The following OBI1 variants were observed in gnomAD, a reference collection of about 807,000 sequenced individuals.
OBI1 encodes ring finger protein 219.
OBI1 carries 59 observed loss-of-function variants against 62.4 expected under a neutral mutation model. The ratio of observed to expected loss-of-function variants is 0.95; its 90% CI spans 0.77 to 1.17. The LOEUF (loss-of-function observed/expected upper bound fraction) is 1.17, where lower values mean the gene tolerates loss of function less well. OBI1 is among the 50% of genes most tolerant of loss of function. The pLI is 0.00. For missense variants in OBI1, 875 were observed against 830.9 expected, an observed-to-expected ratio of 1.05 and a Z score of -0.65; for synonymous variants, 302 against 292.8, an observed-to-expected ratio of 1.03 and a Z score of -0.32.
intron 1 of OBI1, 135 bp downstream of exon 1, chr13:78,658,914 C>A: frequency 1.4e-6 from 1 of 696,410 alleles, no homozygotes; most frequent in Non-Finnish European, 2.5e-6. Flanking sequence ...GGCCTCCCAT[C>A]AAGAACGCGG....
intron 5 of OBI1, chr13:78,620,698 T>C (rs1566275830): frequency 4.4e-6 from 2 of 455,582 alleles, no homozygotes; most frequent in Non-Finnish European, 8.8e-6. Context: ...AAAAGAGAAA[T>C]GGAAGTCCTA....
chr13:78,656,737 G>T (rs919941358), intron 1 of OBI1, among the ~76,000 whole-genome samples: 5 of 124,052 alleles, frequency 4.0e-5, no homozygotes, highest in South Asian at 3.2e-4. Flanking sequence ...CCTGGGGGGG[G>T]GGGGGGAGGA....
intron 1 of OBI1, among the ~76,000 whole-genome samples, chr13:78,652,630 A>T (rs955951134): frequency 6.6e-6 from 1 of 152,160 alleles, no homozygotes; most frequent in African/African-American, 2.4e-5. Context: ...CGTGGAAGAT[A>T]ATTTTTCCAC....
intron 1 of OBI1, 77 bp downstream of exon 1, chr13:78,658,972 C>T (rs1446183259): frequency 2.2e-6 from 3 of 1,361,392 alleles, no homozygotes; most frequent in East Asian, 2.4e-5. Flanking sequence ...TCCCCGCCCC[C>T]GCACGAGACG....
At chr13:78,650,374 T>A (rs1003242023) in intron 1 of OBI1, among the ~76,000 whole-genome samples, 3 of 152,210 alleles carry the variant, frequency 2.0e-5, no homozygotes, top group African/African-American at 7.2e-5. Flanking sequence ...ATGCTTATAG[T>A]CAAGATACTA....
At chr13:78,655,144 G>A (rs986420305) in intron 1 of OBI1, among the ~76,000 whole-genome samples, 1 of 152,046 alleles carries the variant, frequency 6.6e-6, no homozygotes, top group Non-Finnish European at 1.5e-5. Context: ...ATGCATGCAC[G>A]GCCAATAAAA....
intron 5 of OBI1, among the ~76,000 whole-genome samples, chr13:78,632,913 T>C (rs1458969227): frequency 2.0e-5 from 3 of 152,194 alleles, no homozygotes; most frequent in Admixed American, 6.5e-5. Flanking sequence ...TAAAGTTATA[T>C]TGGATTCAGA....
intron 4 of OBI1, among the ~76,000 whole-genome samples, chr13:78,635,481 T>C (rs1294028716): frequency 1.3e-5 from 2 of 152,212 alleles, no homozygotes; most frequent in African/African-American, 4.8e-5. Flanking sequence ...ACCATACTAA[T>C]GGCAAATGTA....
At chr13:78,647,631 C>CA (rs1055775574) in intron 1 of OBI1, among the ~76,000 whole-genome samples, 2 of 152,240 alleles carry the variant, frequency 1.3e-5, no homozygotes, top group African/African-American at 4.8e-5. Context: ...TGAGGGAACT[C>CA]AGAGACCAGT....
chr13:78,628,762 A>G (rs867977959), intron 5 of OBI1, among the ~76,000 whole-genome samples: 1 of 151,970 alleles, frequency 6.6e-6, no homozygotes, highest in Non-Finnish European at 1.5e-5. Context: ...ACAAAATGGA[A>G]GAAGGGAAAT....
At chr13:78,647,290 C>T (rs951049453) in intron 1 of OBI1, among the ~76,000 whole-genome samples, 6 of 152,212 alleles carry the variant, frequency 3.9e-5, no homozygotes, top group African/African-American at 1.4e-4. Flanking sequence ...AGGCCTGTCT[C>T]CTGCCTGCCC....
intron 5 of OBI1, among the ~76,000 whole-genome samples, chr13:78,619,334 T>A (rs982420530): frequency 1.8e-4 from 27 of 152,034 alleles, no homozygotes; most frequent in South Asian, 1.0e-3. Context: ...TATATATTTT[T>A]TTTTTTTAGA....
At chr13:78,623,436 T>C (rs1279818322) in intron 5 of OBI1, among the ~76,000 whole-genome samples, 2 of 152,166 alleles carry the variant, frequency 1.3e-5, no homozygotes, top group Non-Finnish European at 2.9e-5. Context: ...AGCACAGTGC[T>C]ATATGCTTGA....
chr13:78,654,588 C>T (rs1232652829), intron 1 of OBI1, among the ~76,000 whole-genome samples: 2 of 152,022 alleles, frequency 1.3e-5, no homozygotes, highest in East Asian at 1.9e-4. Flanking sequence ...TGTCTCTAGC[C>T]CTATATTTTC....
chr13:78,654,267 C>A (rs186447834), intron 1 of OBI1, among the ~76,000 whole-genome samples: 1 of 152,250 alleles, frequency 6.6e-6, no homozygotes, highest in East Asian at 1.9e-4. Context: ...ACTTATTATA[C>A]ACTATGTATA....
At chr13:78,641,456 G>A (rs1347169248) in intron 3 of OBI1, among the ~76,000 whole-genome samples, 1 of 152,094 alleles carries the variant, frequency 6.6e-6, no homozygotes, top group Non-Finnish European at 1.5e-5. Context: ...AGAGGGGATC[G>A]ATATCTCCTT....
Position 78,615,649 on chromosome 13 carries a change from A to C in OBI1, c.2112T>G (p.Asn704Lys). ...FVPEKRNKNV[N>K]QSTKRKIQSS... ...TCTGGATTTTTCTTTTTGTTGATTG[A>C]TTCACATTTTTATTCCTCTTTTCAG... Residue 704 changes from asparagine to lysine, a missense_variant, in exon 6 of 6, where the codon AAT becomes AAG. Transcript: ENST00000282003. 1 of 1,613,634 alleles carries C rather than the reference A, an allele frequency of 6.2e-7. No homozygotes were observed. The highest frequency in any genetic ancestry group is 1.1e-5 in the South Asian group (1 of 90,966).
At position 78,615,648 on chromosome 13, in the gene OBI1, G is replaced by C; in HGVS notation, c.2113C>G (p.Gln705Glu). 1.9e-6 allele frequency: 3 copies of C among 1,613,468 alleles called. No homozygotes were observed. The highest frequency in any genetic ancestry group is 2.5e-6 in the Non-Finnish European group (3 of 1,179,834). The stretch of plus-strand genomic sequence containing the variant: ...CTCTGGATTTTTCTTTTTGTTGATT[G>C]ATTCACATTTTTATTCCTCTTTTCA... ...VPEKRNKNVN[Q>E]STKRKIQSSL... Residue 705 changes from glutamine (Q) to glutamate (E), a missense_variant, in exon 6 of 6, where the codon CAA becomes GAA. By Grantham distance (29) the Gln-to-Glu change is conservative. Coordinates refer to ENST00000282003, the MANE Select transcript of OBI1 (RefSeq NM_024546.4).
At chr13:78,653,936 G>C (rs1876620216) in intron 1 of OBI1, among the ~76,000 whole-genome samples, 1 of 151,526 alleles carries the variant, frequency 6.6e-6, no homozygotes. Context: ...TTAGGAATTT[G>C]GAAACTTTCC....
Sources: allele counts gnomAD v4.1 joint callset (sites outside exome capture counted in the v4.1 genomes callset), GRCh38; gene constraint gnomAD v4.1.1; transcripts MANE v1.5; gene names NCBI Gene and HGNC (gene_info 2026-07-23, HGNC 2026-07-21).